LGR6: variants seen among roughly 807,000 people sequenced by gnomAD.
LGR6 encodes the protein leucine rich repeat containing G protein-coupled receptor 6, also known as leucine-rich repeat-containing G protein-coupled receptor 6.
In LGR6, 45 loss-of-function variants were observed where a neutral mutation model predicts 69.4. That is an observed-to-expected ratio of 0.65 (90% CI 0.51 to 0.83). The LOEUF is 0.83. Ranked by LOEUF, LGR6 falls within the 40% of genes least tolerant of loss-of-function variation. LGR6 has a pLI of 0.00. For missense variants in LGR6, 1,108 were observed against 1,246.7 expected (o/e 0.89, Z 1.68); for synonymous variants, 538 against 555.0 (o/e 0.97, Z 0.43).
At chr1:202,215,475 C>T (rs1659715313) in intron 1 of LGR6, among the ~76,000 whole-genome samples, 2 of 152,124 alleles carry the variant, frequency 1.3e-5, no homozygotes, top group Admixed American at 6.5e-5. Context: ...GAATTCACGC[C>T]CACATACCTC....
At chr1:202,264,164 G>A (rs1664462742) in intron 4 of LGR6, among the ~76,000 whole-genome samples, 1 of 152,106 alleles carries the variant, frequency 6.6e-6, no homozygotes, top group African/African-American at 2.4e-5. Flanking sequence ...GAGCTCTTGG[G>A]AATGAGGGAG....
chr1:202,247,040 G>A (rs1350625731), intron 4 of LGR6, among the ~76,000 whole-genome samples: 1 of 152,196 alleles, frequency 6.6e-6, no homozygotes, highest in Non-Finnish European at 1.5e-5. Flanking sequence ...AGTTCCCAAG[G>A]CTGTCTACCT....
chr1:202,264,542 C>G (rs1356586168), intron 4 of LGR6, among the ~76,000 whole-genome samples: 1 of 152,266 alleles, frequency 6.6e-6, no homozygotes, highest in Non-Finnish European at 1.5e-5. Context: ...ACGAAGGTCG[C>G]CAGAAACCAG....
At chr1:202,196,961 G>T in intron 1 of LGR6, 1 of 515,220 alleles carries the variant, frequency 1.9e-6, no homozygotes, top group East Asian at 5.6e-5. Context: ...AGGGAGAGTG[G>T]GGACTTAGGT....
intron 6 of LGR6, among the ~76,000 whole-genome samples, chr1:202,286,535 C>G (rs145587178): frequency 6.6e-6 from 1 of 152,282 alleles, no homozygotes; most frequent in African/African-American, 2.4e-5. Context: ...GGACACCCAG[C>G]TAATTAAGAG....
chr1:202,195,215 C>T (rs1408983866), intron 1 of LGR6, among the ~76,000 whole-genome samples: 4 of 152,218 alleles, frequency 2.6e-5, no homozygotes, highest in African/African-American at 9.6e-5. Context: ...TCCCAGAGTT[C>T]CTTCTGGCCT....
intron 4 of LGR6, among the ~76,000 whole-genome samples, chr1:202,250,235 C>G (rs962322427): frequency 1.3e-5 from 2 of 152,134 alleles, no homozygotes; most frequent in Non-Finnish European, 2.9e-5. Context: ...CTGAAGGAGG[C>G]CTTTTCTGAT....
In LGR6 at chr1:202,318,728, A is replaced by G. The variant is rs1654378387; in HGVS notation, c.2425A>G (p.Lys809Glu). The stretch of plus-strand genomic sequence containing the variant: ...CTTCCCTGTCACGCCCGAGGCCGTC[A>G]AGTCTGTCCTGCTGGTGGTGCTGCC... ...GLFPVTPEAV[K>E]SVLLVVLPLP... Residue 809 changes from lysine (K) to glutamate (E), a missense_variant, in exon 18 of 18, where the codon AAG (lysine) becomes GAG (glutamate). By Grantham distance (56) the Lys-to-Glu change is moderately conservative (BLOSUM62 1). Transcript: ENST00000367278. The G allele has an allele frequency of 6.2e-7, 1 of 1,613,354 alleles. No individual in the cohort carries two copies. Among genetic ancestry groups the G allele is most frequent in the Admixed American group, 1.7e-5 (1 of 60,020 alleles).
At chr1:202,239,347 GT>G (rs1558027329) in intron 4 of LGR6, among the ~76,000 whole-genome samples, 14 of 18,554 alleles carry the variant, frequency 7.5e-4, no homozygotes, top group Non-Finnish European at 1.4e-3. Flanking sequence ...TGTGTGTGGT[GT>G]GTGTGTGTGT....
chr1:202,269,448 T>G (rs1664922099), intron 4 of LGR6, among the ~76,000 whole-genome samples: 1 of 152,174 alleles, frequency 6.6e-6, no homozygotes. Context: ...CCTTTCCTAC[T>G]CTGCAAAACC....
chr1:202,311,388 G>T (rs1322519890), intron 16 of LGR6, among the ~76,000 whole-genome samples: 1 of 152,322 alleles, frequency 6.6e-6, no homozygotes, highest in South Asian at 2.1e-4. Context: ...GGCTGGGCGC[G>T]GTGGCTCAAG....
chr1:202,252,046 C>T (rs749960851), intron 4 of LGR6, among the ~76,000 whole-genome samples: 10 of 152,068 alleles, frequency 6.6e-5, no homozygotes, highest in Non-Finnish European at 1.2e-4. Context: ...CAGGGCTCCT[C>T]CAAGTCATCA....
In LGR6 at chr1:202,225,478, C is replaced by A; in HGVS notation, c.268C>A (p.Arg90Ser). Reference sequence around the variant, plus strand: ...TCAGCCTGGCCTCTTCCACCACCTGCGCTTCTTGGAGGAGCTGTGAGTAGA... The same window carrying A: ...TCAGCCTGGCCTCTTCCACCACCTGAGCTTCTTGGAGGAGCTGTGAGTAGA... ...ELQPGLFHHLRFLEELRLSGN... is the reference protein window; with the variant it reads ...ELQPGLFHHLSFLEELRLSGN... The change falls in exon 2 of 18, where the codon CGC becomes AGC. Residue 90 changes from arginine to serine, a missense_variant. Coordinates refer to ENST00000367278, the MANE Select transcript of LGR6 (RefSeq NM_001017403.2). The A allele has an allele frequency of 6.2e-7, 1 of 1,613,796 alleles. No individual in the cohort carries two copies. Among genetic ancestry groups the A allele is most frequent in the Non-Finnish European group, 8.5e-7 (1 of 1,179,738 alleles).
At chr1:202,309,475 C>G (rs1289702070) in intron 15 of LGR6, among the ~76,000 whole-genome samples, 1 of 152,268 alleles carries the variant, frequency 6.6e-6, no homozygotes, top group Non-Finnish European at 1.5e-5. Context: ...TCCTTGCACC[C>G]CATCTGGTTC....
intron 4 of LGR6, among the ~76,000 whole-genome samples, chr1:202,269,128 A>T (rs1325572327): frequency 6.6e-6 from 1 of 151,738 alleles, no homozygotes; most frequent in Admixed American, 6.6e-5. Context: ...CTGGTCTCAA[A>T]CTCCTGAGCT....
intron 1 of LGR6, among the ~76,000 whole-genome samples, chr1:202,204,748 A>G (rs1457972909): frequency 1.1e-5 from 1 of 87,054 alleles, no homozygotes. Flanking sequence ...CACACCTCCA[A>G]ACACACACAC....
chr1:202,235,854 G>A, intron 3 of LGR6, 68 bp from the exon 4 acceptor site: 1 of 1,382,106 alleles, frequency 7.2e-7, no homozygotes, highest in Non-Finnish European at 1.0e-6. Flanking sequence ...TTCAAGGGAG[G>A]AGTCAGCACC....
intron 4 of LGR6, among the ~76,000 whole-genome samples, chr1:202,241,219 C>T (rs1662176266): frequency 6.6e-6 from 1 of 152,238 alleles, no homozygotes; most frequent in African/African-American, 2.4e-5. Flanking sequence ...GATGCACCCC[C>T]TGCCCATGCC....
In LGR6 at chr1:202,280,871, G is replaced by T. The variant is rs1374664941; in HGVS notation, c.716+19G>T. 3 of 1,604,940 alleles carry T rather than the reference G, an allele frequency of 1.9e-6. No homozygotes were observed. Among genetic ancestry groups the T allele is most frequent in the African/African-American group, 1.3e-5 (1 of 74,770 alleles). ...AGACACTGTGAGTTTTGAGGTCTTG[G>T]TCAAACTCTGTCCTGCCTGGTGATG... On this transcript the variant is annotated intron_variant, in intron 6 of 17. Transcript: ENST00000367278.
Sources: allele counts gnomAD v4.1 joint callset (sites outside exome capture counted in the v4.1 genomes callset), GRCh38; gene constraint gnomAD v4.1.1; transcripts MANE v1.5; gene names NCBI Gene and HGNC (gene_info 2026-07-23, HGNC 2026-07-21).